PTPRR: variants seen among roughly 807,000 people sequenced by gnomAD.
PTPRR encodes protein tyrosine phosphatase receptor type R.
Under a neutral mutation model 77.2 loss-of-function variants are expected in PTPRR, and 38 were observed. That is an observed-to-expected ratio of 0.49 (90% CI 0.38 to 0.65). The LOEUF (loss-of-function observed/expected upper bound fraction) is 0.65. Ranked by LOEUF, PTPRR falls within the 30% of genes least tolerant of loss-of-function variation. The pLI is 0.00. For missense variants in PTPRR, 744 were observed against 799.2 expected (o/e 0.93, Z 0.83); for synonymous variants, 299 against 283.1 (o/e 1.06, Z -0.57).
chr12:70,707,540 T>TTGGTTAAA (rs1287747629), intron 6 of PTPRR, among the ~76,000 whole-genome samples: 1 of 152,100 alleles, frequency 6.6e-6, no homozygotes, highest in Non-Finnish European at 1.5e-5. Context: ...ATACTTTATT[T>TTGGTTAAA]TTGGACATTG....
intron 2 of PTPRR, among the ~76,000 whole-genome samples, chr12:70,860,990 G>T (rs1411682932): frequency 1.3e-5 from 2 of 152,050 alleles, no homozygotes; most frequent in African/African-American, 2.4e-5. Context: ...GCATGCATTT[G>T]TTTATGGTCT....
chr12:70,664,241 C>A (rs904229131), intron 10 of PTPRR: 1 of 152,078 alleles, frequency 6.6e-6, no homozygotes, highest in African/African-American at 2.4e-5. Flanking sequence ...GAGAAGAAAC[C>A]TTTTTAAAGT....
At chr12:70,822,701 A>G (rs555629272) in intron 2 of PTPRR, among the ~76,000 whole-genome samples, 37 of 152,300 alleles carry the variant, frequency 2.4e-4, no homozygotes, top group African/African-American at 8.7e-4. Flanking sequence ...CACTCTATCC[A>G]TCAATATCAA....
chr12:70,798,725 C>T (rs761199644), intron 2 of PTPRR, among the ~76,000 whole-genome samples: 14 of 152,098 alleles, frequency 9.2e-5, no homozygotes, highest in South Asian at 6.2e-4. Context: ...CTGCTCTAAT[C>T]ATTTTATCTA....
At chr12:70,804,690 A>G (rs1368037084) in intron 2 of PTPRR, among the ~76,000 whole-genome samples, 1 of 152,200 alleles carries the variant, frequency 6.6e-6, no homozygotes, top group African/African-American at 2.4e-5. Context: ...GAAGTTAAGG[A>G]CAGAAATGGG....
At chr12:70,669,451 TTATA>T (rs34906995) in intron 10 of PTPRR, among the ~76,000 whole-genome samples, 3 of 146,768 alleles carry the variant, frequency 2.0e-5, no homozygotes, top group African/African-American at 2.5e-5. Context: ...TATATGCTAT[TTATA>T]TATATATATA....
At chr12:70,656,208 AC>A (rs2136663017) in intron 13 of PTPRR, among the ~76,000 whole-genome samples, 1 of 152,148 alleles carries the variant, frequency 6.6e-6, no homozygotes, top group East Asian at 1.9e-4. Flanking sequence ...ACAAAGTGAG[AC>A]CCTGTCTCAA....
At chr12:70,677,054 G>T (rs899585822) in intron 10 of PTPRR, among the ~76,000 whole-genome samples, 18 of 151,974 alleles carry the variant, frequency 1.2e-4, no homozygotes, top group African/African-American at 4.1e-4. Flanking sequence ...ATGAACACAG[G>T]ATATATTTCT....
At chr12:70,682,435 T>G (rs1887709781) in intron 10 of PTPRR, among the ~76,000 whole-genome samples, 2 of 152,206 alleles carry the variant, frequency 1.3e-5, no homozygotes, top group Admixed American at 1.3e-4. Context: ...AAGATCAGGC[T>G]TTGTCTCCAG....
At chr12:70,898,164 A>T (rs185377820) in intron 1 of PTPRR, among the ~76,000 whole-genome samples, 16 of 151,296 alleles carry the variant, frequency 1.1e-4, no homozygotes, top group East Asian at 1.9e-4. Context: ...ATAATAATAA[A>T]AAAAGAGAAT....
intron 10 of PTPRR, 92 bp from the exon 11 acceptor site, chr12:70,662,697 A>T (rs1886840690): frequency 1.6e-6 from 1 of 619,224 alleles, no homozygotes; most frequent in Admixed American, 3.3e-5. Context: ...GTTTTATATC[A>T]TTAGTTTTAA....
At chr12:70,847,494 A>G (rs967505704) in intron 2 of PTPRR, among the ~76,000 whole-genome samples, 1 of 152,122 alleles carries the variant, frequency 6.6e-6, no homozygotes, top group Non-Finnish European at 1.5e-5. Flanking sequence ...ACATCTCAAA[A>G]TATGAGGTTT....
intron 2 of PTPRR, among the ~76,000 whole-genome samples, chr12:70,778,810 G>A (rs1272678232): frequency 6.6e-6 from 1 of 152,062 alleles, no homozygotes; most frequent in East Asian, 1.9e-4. Flanking sequence ...CACAAAACTT[G>A]TGTTTATAGT....
chr12:70,858,063 CA>C (rs1311416361), intron 2 of PTPRR, among the ~76,000 whole-genome samples: 7 of 152,200 alleles, frequency 4.6e-5, no homozygotes, highest in African/African-American at 1.7e-4. Context: ...CTGAGTAGAT[CA>C]GGGGCACTAG....
In PTPRR at chr12:70,764,645, G is replaced by C; in HGVS notation, c.471+20C>G. On this transcript the variant is annotated intron_variant, in intron 3 of 13. Transcript: ENST00000283228. ...CACACACGGCTTGAATTTTGGAAATGCGAAATGTGGGTATCTTACAATGAG... is the reference window on the plus strand; with the variant it reads ...CACACACGGCTTGAATTTTGGAAATCCGAAATGTGGGTATCTTACAATGAG... The C allele has an allele frequency of 6.3e-7, 1 of 1,581,566 alleles. No homozygotes were observed. The highest frequency in any genetic ancestry group is 8.7e-7 in the Non-Finnish European group (1 of 1,150,340).
intron 4 of PTPRR, among the ~76,000 whole-genome samples, chr12:70,758,923 C>T (rs1334857488): frequency 7.1e-6 from 1 of 141,178 alleles, no homozygotes; most frequent in East Asian, 1.9e-4. Context: ...CAGTACTTGG[C>T]TATTTGCTCT....
chr12:70,826,334 G>A (rs935717352), intron 2 of PTPRR, among the ~76,000 whole-genome samples: 2 of 152,160 alleles, frequency 1.3e-5, no homozygotes, highest in African/African-American at 4.8e-5. Flanking sequence ...GAAGAGGGTG[G>A]GAAGGGCTGG....
chr12:70,849,661 A>G (rs1168179072), intron 2 of PTPRR, among the ~76,000 whole-genome samples: 2 of 152,256 alleles, frequency 1.3e-5, no homozygotes, highest in Admixed American at 6.5e-5. Flanking sequence ...AAAATCTATC[A>G]GTCTACAAAA....
chr12:70,828,107 A>G (rs980229115), intron 2 of PTPRR, among the ~76,000 whole-genome samples: 3 of 152,170 alleles, frequency 2.0e-5, no homozygotes, highest in African/African-American at 7.2e-5. Flanking sequence ...TACATTGGGG[A>G]TTAGGTTTCA....
Sources: allele counts gnomAD v4.1 joint callset (sites outside exome capture counted in the v4.1 genomes callset), GRCh38; gene constraint gnomAD v4.1.1; transcripts MANE v1.5; gene names NCBI Gene and HGNC (gene_info 2026-07-23, HGNC 2026-07-21).